AMZ2: variants seen among roughly 807,000 people sequenced by gnomAD.
AMZ2 encodes the protein archaemetzincin-2.
Under a neutral mutation model 36.7 loss-of-function variants are expected in AMZ2, and 26 were observed. The ratio of observed to expected loss-of-function variants is 0.71; its 90% CI spans 0.52 to 0.98. The LOEUF (loss-of-function observed/expected upper bound fraction) is 0.98, where lower values mean the gene tolerates loss of function less well. Among genes scored for constraint, AMZ2 ranks in the 50% least tolerant of loss-of-function variants. The pLI, the probability that AMZ2 is intolerant of heterozygous loss-of-function variation, is 0.00. For synonymous variants in AMZ2, 144 were observed against 149.1 expected, an observed-to-expected ratio of 0.97 and a Z score of 0.25; for missense variants, 394 against 430.5, an observed-to-expected ratio of 0.92 and a Z score of 0.75.
At chr17:68,228,351 C>T (rs1341857216) in intron 1 of AMZ2, among the ~76,000 whole-genome samples, 1 of 152,174 alleles carries the variant, frequency 6.6e-6, no homozygotes, top group African/African-American at 2.4e-5. Context: ...TGGAGCTGAG[C>T]CCTAGAGATA....
chr17:68,242,722 T>C (rs1258632349), intron 1 of AMZ2, among the ~76,000 whole-genome samples: 32 of 152,256 alleles, frequency 2.1e-4, no homozygotes, highest in African/African-American at 6.3e-4. Flanking sequence ...CAAGCACATA[T>C]TTTTAAAACA....
At position 68,248,299 on chromosome 17, in the gene AMZ2, TC is replaced by T. The variant is rs2074163178; in HGVS notation, c.-405del. ...GAGCCAGGGAGGCCTTTCCCGAGGC[TC>T]CTGGGGAAGAAGAGGCGAAGCGAGA... On this transcript the variant is annotated 5_prime_UTR_variant, in exon 1 of 7. Coordinates refer to ENST00000359904, the MANE Select transcript of AMZ2 (RefSeq NM_016627.5). 1 of 985,744 alleles carries T rather than the reference TC, an allele frequency of 1.0e-6. No homozygotes were observed. Among genetic ancestry groups the T allele is most frequent in the Non-Finnish European group, 1.2e-6 (1 of 830,098 alleles). 61.1% of individuals were successfully genotyped at this position (985,744 alleles called of 1,614,324 possible).
chr17:68,222,441 A>G (rs1250691588), intron 1 of AMZ2, among the ~76,000 whole-genome samples: 3 of 152,184 alleles, frequency 2.0e-5, no homozygotes, highest in African/African-American at 2.4e-5. Context: ...GTGGAAGACA[A>G]TTTTTCCACG....
intron 1 of AMZ2, among the ~76,000 whole-genome samples, chr17:68,211,995 CTCTA>C (rs1185252391): frequency 6.6e-6 from 1 of 151,608 alleles, no homozygotes; most frequent in Non-Finnish European, 1.5e-5. Context: ...ATATCTTTAT[CTCTA>C]TCTATATATA....
chr17:68,228,482 C>G (rs549976461), intron 1 of AMZ2, among the ~76,000 whole-genome samples: 4 of 152,342 alleles, frequency 2.6e-5, no homozygotes, highest in Middle Eastern at 3.4e-3. Context: ...GGACAAGGCT[C>G]TCTCCATCCT....
intron 1 of AMZ2, among the ~76,000 whole-genome samples, chr17:68,230,001 C>A (rs1209028707): frequency 6.6e-6 from 1 of 152,228 alleles, no homozygotes; most frequent in Non-Finnish European, 1.5e-5. Context: ...ACCAAGATAT[C>A]CTAAGGCGTA....
chr17:68,232,367 G>A (rs1410238047), intron 1 of AMZ2, among the ~76,000 whole-genome samples: 10 of 151,586 alleles, frequency 6.6e-5, no homozygotes, highest in African/African-American at 2.2e-4. Context: ...GTGGTGGCCT[G>A]CATCTCTAGT....
chr17:68,233,354 T>C lies in AMZ2; in HGVS notation c.-66-15286T>C, dbSNP rs143281195. On this transcript the variant is annotated intron_variant, in intron 1 of 7. Transcript: ENST00000674770. ...AGAAAGCCCGTCTCTACTAAAAACG[T>C]AAAAATTAGCTGGGCGTGGTCGTGG... 9.5e-3 allele frequency among the ~76,000 whole-genome samples: 1,445 copies of C among 151,680 alleles called. 20 individuals carry two copies. Among genetic ancestry groups the C allele is most frequent in the African/African-American group, 0.031 (1,301 of 41,318 alleles).
intron 4 of AMZ2, 111 bp from the exon 5 acceptor site, chr17:68,254,293 A>G: frequency 9.7e-7 from 1 of 1,029,708 alleles, no homozygotes; most frequent in Middle Eastern, 3.3e-4. Flanking sequence ...GTGTGGACAC[A>G]GTGACACAGA....
At chr17:68,246,195 C>CAAAAAAAAA (rs57477453), upstream of AMZ2, among the ~76,000 whole-genome samples, 5,972 of 82,368 alleles carry the variant, frequency 0.073, 273 homozygotes, top group East Asian at 0.18. Context: ...ACTAAAAATA[C>CAAAAAAAAA]AAAAAAAAAA....
intron 6 of AMZ2, among the ~76,000 whole-genome samples, chr17:68,256,385 A>C (rs1300656927): frequency 6.6e-6 from 1 of 152,240 alleles, no homozygotes; most frequent in African/African-American, 2.4e-5. Context: ...GTATGACTGC[A>C]TTCAGGTGAC....
Position 68,208,898 on chromosome 17 carries a change from C to T in AMZ2, c.-67+2660C>T, listed in dbSNP as rs782609019. On this transcript the variant is annotated intron_variant, in intron 1 of 7. Transcript: ENST00000674770. The stretch of plus-strand genomic sequence containing the variant: ...ACGAACCCACCAGAAGGAAGAAACT[C>T]CAAACACATCCGAGCACCAGAAGGA... Among the ~76,000 whole-genome samples, 97 of 151,422 alleles carry T rather than the reference C, an allele frequency of 6.4e-4. 1 individual carries two copies. The highest frequency in any genetic ancestry group is 3.4e-3 in the Middle Eastern group (1 of 292).
intron 1 of AMZ2, among the ~76,000 whole-genome samples, chr17:68,230,484 G>A (rs2073632488): frequency 1.3e-5 from 2 of 152,196 alleles, no homozygotes; most frequent in African/African-American, 4.8e-5. Context: ...AGGCAGCCCA[G>A]ATTCAGTGGA....
Position 68,235,795 on chromosome 17 carries a change from G to A in AMZ2, c.-66-12845G>A, listed in dbSNP as rs2073772495. On this transcript the variant is annotated intron_variant, in intron 1 of 7. Coordinates refer to the AMZ2 transcript ENST00000674770. The surrounding 1 kb of genome is among the most constrained non-coding windows in gnomAD (Gnocchi z 4.2). Reference sequence around the variant, plus strand: ...CCTCAGCCTGGGCTGCCGTGGACTGGCCGTCCCTACCCCTCCAAGACTTAG... The same window carrying A: ...CCTCAGCCTGGGCTGCCGTGGACTGACCGTCCCTACCCCTCCAAGACTTAG... 6.6e-6 allele frequency among the ~76,000 whole-genome samples: 1 copy of A among 151,898 alleles called. No individual in the cohort carries two copies. The highest frequency in any genetic ancestry group is 2.4e-5 in the African/African-American group (1 of 41,350).
chr17:68,228,336 A>G (rs1721635805), intron 1 of AMZ2, among the ~76,000 whole-genome samples: 3 of 152,184 alleles, frequency 2.0e-5, no homozygotes, highest in South Asian at 4.1e-4. Flanking sequence ...TCTGATGCAC[A>G]GAGATGGAGC....
In AMZ2 at chr17:68,255,862, G is replaced by A; in HGVS notation, c.913G>A (p.Val305Ile). The A allele has an allele frequency of 6.2e-7, 1 of 1,614,026 alleles. No individual in the cohort carries two copies. The highest frequency in any genetic ancestry group is 8.5e-7 in the Non-Finnish European group (1 of 1,180,006). ...KLQCAVGFSI[V>I]ERYKALVRWI... ...GCAGTGTGCTGTTGGCTTCAGCATT[G>A]TAGAAAGATACAAAGTAAGTTGGGG... Residue 305 changes from valine to isoleucine, a missense_variant, in exon 6 of 7, where the codon GTA (valine) becomes ATA (isoleucine). Coordinates refer to ENST00000359904, the MANE Select transcript of AMZ2 (RefSeq NM_016627.5).
intron 1 of AMZ2, among the ~76,000 whole-genome samples, chr17:68,237,342 T>C (rs868924825): frequency 1.4e-5 from 2 of 141,380 alleles, no homozygotes; most frequent in Non-Finnish European, 3.1e-5. Flanking sequence ...TTCTTCCTAT[T>C]CTTCTGTCCT....
At chr17:68,224,160 C>T (rs1671694200) in intron 1 of AMZ2, among the ~76,000 whole-genome samples, 1 of 152,178 alleles carries the variant, frequency 6.6e-6, no homozygotes, top group Admixed American at 6.5e-5. Flanking sequence ...CCAGGCCGGT[C>T]TCGAACTCCT....
upstream of AMZ2, chr17:68,247,989 AGCGGCGCGGCGC>A (rs1298862073): frequency 3.0e-6 from 3 of 985,564 alleles, no homozygotes; most frequent in African/African-American, 1.7e-5. Context: ...TGCGCGACGC[AGCGGCGCGGCGC>A]GTGGCGTAAG....
Sources: allele counts gnomAD v4.1 joint callset (sites outside exome capture counted in the v4.1 genomes callset), GRCh38; gene constraint gnomAD v4.1.1; non-coding constraint Gnocchi (gnomAD v3.1); transcripts MANE v1.5; gene names NCBI Gene and HGNC (gene_info 2026-07-23, HGNC 2026-07-21).